PDE11A: variants seen among roughly 807,000 people sequenced by gnomAD.
PDE11A encodes phosphodiesterase 11A, also known as dual 3',5'-cyclic-AMP and -GMP phosphodiesterase 11A.
Under a neutral mutation model 100.5 loss-of-function variants are expected in PDE11A, and 100 were observed. The ratio of observed to expected loss-of-function variants is 1.00; its 90% CI spans 0.85 to 1.18. PDE11A has a LOEUF of 1.18. Ranked by LOEUF, PDE11A falls within the 50% of genes most tolerant of loss-of-function variation. The pLI is 0.00. For missense variants in PDE11A, 1,141 were observed against 1,152.6 expected, an observed-to-expected ratio of 0.99 and a Z score of 0.15; for synonymous variants, 381 against 420.8, an observed-to-expected ratio of 0.91 and a Z score of 1.16.
intron 14 of PDE11A, among the ~76,000 whole-genome samples, chr2:177,700,303 T>C (rs16865668): frequency 0.017 from 2,586 of 151,812 alleles, 66 homozygotes; most frequent in African/African-American, 0.059. Flanking sequence ...GATGCTATTC[T>C]AGTGAAGCAG....
At chr2:177,993,219 G>A (rs150927533) in intron 2 of PDE11A, among the ~76,000 whole-genome samples, 98 of 152,270 alleles carry the variant, frequency 6.4e-4, no homozygotes, top group African/African-American at 2.3e-3. Flanking sequence ...TAGGGCTAGG[G>A]GACAGTGGCA....
intron 10 of PDE11A, among the ~76,000 whole-genome samples, chr2:177,739,626 G>A (rs931793105): frequency 2.6e-5 from 4 of 152,116 alleles, no homozygotes; most frequent in Admixed American, 1.3e-4. Flanking sequence ...AAAAAGTATC[G>A]TAGAGTCTCT....
In PDE11A at chr2:178,079,062, T is replaced by C. The variant is rs561731431; in HGVS notation, c.162+25240A>G. Among the ~76,000 whole-genome samples, 5 of 152,296 alleles carry C rather than the reference T, an allele frequency of 3.3e-5. No individual in the cohort carries two copies. The South Asian group carries it at 1.0e-3, about 32-fold the overall frequency. ...TTTATATTCAATAGCAATCCATAAC[T>C]AGTATTAAGATTGAGAGTATAGACC... On this transcript the variant is annotated intron_variant, in intron 2 of 20. Transcript: ENST00000358450.
chr2:177,801,754 T>G (rs1410741737), intron 9 of PDE11A, among the ~76,000 whole-genome samples: 1 of 152,012 alleles, frequency 6.6e-6, no homozygotes, highest in African/African-American at 2.4e-5. Context: ...CAAAAAAGCT[T>G]TTAGAGGAGA....
At chr2:177,862,165 A>C (rs1322057087) in intron 5 of PDE11A, among the ~76,000 whole-genome samples, 1 of 151,878 alleles carries the variant, frequency 6.6e-6, no homozygotes, top group African/African-American at 2.4e-5. Context: ...TAAATCTGAT[A>C]AGGGACCTGT....
At chr2:178,102,428 G>GTT (rs769341186) in intron 2 of PDE11A, among the ~76,000 whole-genome samples, 13 of 55,364 alleles carry the variant, frequency 2.3e-4, no homozygotes, top group East Asian at 7.8e-4. Context: ...CCTGGTCTAA[G>GTT]TTTTTTTTTT....
chr2:178,034,912 A>G (rs185612841), intron 1 of PDE11A, among the ~76,000 whole-genome samples: 2 of 152,182 alleles, frequency 1.3e-5, no homozygotes, highest in African/African-American at 4.8e-5. Context: ...AATGCCCACA[A>G]CAGAAAGTTG....
chr2:178,012,260 T>C (rs113166095), intron 2 of PDE11A, among the ~76,000 whole-genome samples: 100 of 152,218 alleles, frequency 6.6e-4, no homozygotes, highest in African/African-American at 2.2e-3. Context: ...GAGAAAAATA[T>C]ATCATTTCAA....
At chr2:177,849,383 C>A (rs1484577364) in intron 5 of PDE11A, among the ~76,000 whole-genome samples, 1 of 152,134 alleles carries the variant, frequency 6.6e-6, no homozygotes, top group Non-Finnish European at 1.5e-5. Context: ...AAGATAAAAA[C>A]AATTCAGTCA....
At chr2:177,988,289 G>A (rs900201606) in intron 2 of PDE11A, among the ~76,000 whole-genome samples, 3 of 152,182 alleles carry the variant, frequency 2.0e-5, no homozygotes, top group African/African-American at 7.2e-5. Flanking sequence ...TCTACCTTGT[G>A]TGACTTCTCA....
intron 10 of PDE11A, among the ~76,000 whole-genome samples, chr2:177,739,922 G>A (rs2081848537): frequency 6.6e-6 from 1 of 152,206 alleles, no homozygotes; most frequent in African/African-American, 2.4e-5. Context: ...AAAGAGGGGT[G>A]TGTGTCCTGA....
intron 2 of PDE11A, among the ~76,000 whole-genome samples, chr2:177,917,011 C>T (rs2084964528): frequency 6.9e-6 from 1 of 144,260 alleles, no homozygotes; most frequent in Admixed American, 7.3e-5. Flanking sequence ...CTCCTGACTT[C>T]GTGATCCACC....
chr2:177,635,331 G>A (rs1348572968), intron 19 of PDE11A, among the ~76,000 whole-genome samples: 3 of 152,146 alleles, frequency 2.0e-5, no homozygotes, highest in African/African-American at 7.2e-5. Flanking sequence ...TATTTGGGAT[G>A]CAGTGCTTCT....
intron 10 of PDE11A, among the ~76,000 whole-genome samples, chr2:177,748,331 G>A (rs1180186785): frequency 6.6e-6 from 1 of 152,134 alleles, no homozygotes; most frequent in Non-Finnish European, 1.5e-5. Context: ...TCATACAGGA[G>A]TCCTGCATGC....
chr2:177,852,625 A>G (rs1189862977), intron 5 of PDE11A, among the ~76,000 whole-genome samples: 1 of 152,146 alleles, frequency 6.6e-6, no homozygotes, highest in Non-Finnish European at 1.5e-5. Context: ...CTAGGACCTC[A>G]GCAGGAAAGT....
intron 8 of PDE11A, 77 bp from the exon 9 acceptor site, chr2:177,816,998 C>A: frequency 1.2e-6 from 1 of 816,618 alleles, no homozygotes; most frequent in Non-Finnish European, 2.2e-6. Context: ...AGGCAGCCAC[C>A]AGGGATGGGT....
chr2:177,751,498 C>A (rs1378198306), intron 10 of PDE11A, among the ~76,000 whole-genome samples: 1 of 152,152 alleles, frequency 6.6e-6, no homozygotes, highest in African/African-American at 2.4e-5. Flanking sequence ...GTCCTGGAAG[C>A]CCCAGAAATG....
chr2:178,076,264 T>C (rs758870171), upstream of PDE11A, among the ~76,000 whole-genome samples: 16 of 152,178 alleles, frequency 1.1e-4, no homozygotes, highest in Non-Finnish European at 1.8e-4. Flanking sequence ...TAAAGGAGAC[T>C]TCCTATTTGT....
At position 177,919,893 on chromosome 2, in the gene PDE11A, A is replaced by G. The variant is rs984069990; in HGVS notation, c.1072-14706T>C. Among the ~76,000 whole-genome samples, 6 of 152,304 alleles carry G rather than the reference A, an allele frequency of 3.9e-5. No homozygotes were observed. The South Asian group carries it at 1.2e-3, about 32-fold the overall frequency. ...ACCAATTGTAAGGTTATGATGACCA[A>G]AACAGAATAGTACTAAGGACAGAAT... On this transcript the variant is annotated intron_variant, in intron 2 of 19. Coordinates refer to ENST00000286063, the MANE Select transcript of PDE11A (RefSeq NM_016953.4).
Sources: allele counts gnomAD v4.1 joint callset (sites outside exome capture counted in the v4.1 genomes callset), GRCh38; gene constraint gnomAD v4.1.1; transcripts MANE v1.5; gene names NCBI Gene and HGNC (gene_info 2026-07-23, HGNC 2026-07-21).